Variants in ESM1 observed in about 807,000 individuals in gnomAD.
ESM1 encodes endothelial cell-specific molecule 1.
Under a neutral mutation model 14.9 loss-of-function variants are expected in ESM1, and 7 were observed. The observed-to-expected ratio is 0.47, with a 90% CI of 0.27 to 0.88. The LOEUF (loss-of-function observed/expected upper bound fraction) is 0.88, where lower values mean the gene tolerates loss of function less well. ESM1 is among the 40% of genes least tolerant of loss of function. ESM1 has a pLI of 0.14. For synonymous variants in ESM1, 89 were observed against 89.4 expected, an observed-to-expected ratio of 1.00 and a Z score of 0.02; for missense variants, 192 against 237.9, an observed-to-expected ratio of 0.81 and a Z score of 1.27.
rs556718294 is a variant in ESM1, at chr5:54,984,667, C to G, written c.301+550G>C. Among the ~76,000 whole-genome samples the G allele has an allele frequency of 8.5e-5, 13 of 152,196 alleles. 1 individual carries two copies. The South Asian group carries it at 2.5e-3, about 29-fold the overall frequency. ...AGGTTTGTTTTATGCTTCAGGGGAC[C>G]CTCTTTGAAGAGTGAGTTATTTTGT... On this transcript the variant is annotated intron_variant, in intron 1 of 2. Coordinates refer to ENST00000381405, the MANE Select transcript of ESM1 (RefSeq NM_007036.5).
chr5:54,979,816 T>C (rs572240917), intron 2 of ESM1, among the ~76,000 whole-genome samples: 18 of 152,244 alleles, frequency 1.2e-4, no homozygotes, highest in African/African-American at 4.1e-4. Context: ...ACTTATGGAA[T>C]AGGCAAATGT....
chr5:54,982,670 T>C (rs901371879), intron 1 of ESM1, among the ~76,000 whole-genome samples: 10 of 152,194 alleles, frequency 6.6e-5, no homozygotes, highest in African/African-American at 2.4e-4. Context: ...GCAATCAATC[T>C]TCCATCTGCT....
rs368022597 is a variant in ESM1 at position 54,979,295 on chromosome 5, C to A, written c.*37G>T. On this transcript the variant is annotated 3_prime_UTR_variant, in exon 3 of 3. Transcript: ENST00000381405. Reference sequence around the variant, plus strand: ...ATGTTGGCTGTGTGTTGAACAATCACGAAAATAGAGCCTTCTCTCAGAAAT... The same window carrying A: ...ATGTTGGCTGTGTGTTGAACAATCAAGAAAATAGAGCCTTCTCTCAGAAAT... 18 of 1,478,256 alleles carry A rather than the reference C, an allele frequency of 1.2e-5. No homozygotes were observed. In the African/African-American group the frequency reaches 2.2e-4, roughly 18 times the overall value. The allele number at this position is 1,478,256 out of a possible 1,614,324, so 91.6% of individuals were successfully genotyped here.
At chr5:54,979,623 T>C (rs1057281688) in intron 2 of ESM1, among the ~76,000 whole-genome samples, 188 bp from the exon 3 acceptor site, 29 of 152,250 alleles carry the variant, frequency 1.9e-4, no homozygotes, top group Admixed American at 3.3e-4. Context: ...CTTGAATTAC[T>C]TATCTTTGTA....
At chr5:54,983,508 A>G (rs1740438241) in intron 1 of ESM1, among the ~76,000 whole-genome samples, 1 of 152,226 alleles carries the variant, frequency 6.6e-6, no homozygotes, top group African/African-American at 2.4e-5. Flanking sequence ...TTGGATACGC[A>G]GCTGAAGTTT....
chr5:54,985,247 G>A lies in ESM1; in HGVS notation c.271C>T (p.Pro91Ser), dbSNP rs757689709. The change falls in exon 1 of 3, where the codon CCT (proline) becomes TCT (serine). Residue 91 changes from proline to serine, a missense_variant. Coordinates refer to ENST00000381405, the MANE Select transcript of ESM1 (RefSeq NM_007036.5). The stretch of plus-strand genomic sequence containing the variant: ...CAGATACCAAACTCTTCACCAAAAG[G>A]ATCCTCCCCATTAGAAGGCTGACAC... ...LRCQPSNGED[P>S]FGEEFGICKD... 3.0e-5 allele frequency: 49 copies of A among 1,612,994 alleles called. No individual in the cohort carries two copies. Among genetic ancestry groups the A allele is most frequent in the Admixed American group, 8.3e-5 (5 of 59,980 alleles).
chr5:54,985,114 C>CTT, intron 1 of ESM1, 103 bp downstream of exon 1: 1 of 1,056,288 alleles, frequency 9.5e-7, no homozygotes, highest in East Asian at 2.4e-5. Context: ...ATCCACCTGC[C>CTT]TTTTCCCTCT....
chr5:54,982,298 G>T, intron 1 of ESM1, 152 bp from the exon 2 acceptor site: 1 of 711,922 alleles, frequency 1.4e-6, no homozygotes, highest in Non-Finnish European at 2.3e-6. Flanking sequence ...GGATTTGAAA[G>T]TTGAAACTTT....
chr5:54,982,009 C>G lies in ESM1; in HGVS notation c.439G>C (p.Val147Leu), dbSNP rs752986133. 5.6e-6 allele frequency: 9 copies of G among 1,614,098 alleles called. No homozygotes were observed. Among genetic ancestry groups the G allele is most frequent in the Non-Finnish European group, 7.6e-6 (9 of 1,179,982 alleles). Reference protein sequence around the residue: ...YSVTKSSNRFVSLTEHDMASG... With the variant: ...YSVTKSSNRFLSLTEHDMASG... Reference sequence around the variant, plus strand: ...AATCAGTGCTTACCCGTGAGAGAAACAAATCTGTTGGAAGACTTGGTTACT... The same window carrying G: ...AATCAGTGCTTACCCGTGAGAGAAAGAAATCTGTTGGAAGACTTGGTTACT... Residue 147 changes from valine to leucine, a missense_variant, in exon 2 of 3, where the codon GTT becomes CTT. Val to Leu is a conservative substitution (Grantham distance 32). Coordinates refer to ENST00000381405, the MANE Select transcript of ESM1 (RefSeq NM_007036.5).
intron 1 of ESM1, among the ~76,000 whole-genome samples, 179 bp from the exon 2 acceptor site, chr5:54,982,325 A>G (rs1744068722): frequency 6.6e-6 from 1 of 152,228 alleles, no homozygotes; most frequent in African/African-American, 2.4e-5. Context: ...TAAATATGAA[A>G]TCACACATTA....
intron 2 of ESM1, among the ~76,000 whole-genome samples, chr5:54,980,567 A>G (rs899069425): frequency 1.3e-5 from 2 of 152,186 alleles, no homozygotes; most frequent in African/African-American, 4.8e-5. Flanking sequence ...ACTAAAAATC[A>G]TCTTTTGCTG....
chr5:54,978,324 A>T lies in ESM1; in HGVS notation c.*1008T>A, dbSNP rs554326252. On this transcript the variant is annotated 3_prime_UTR_variant, in exon 3 of 3. Coordinates refer to ENST00000381405, the MANE Select transcript of ESM1 (RefSeq NM_007036.5). The stretch of plus-strand genomic sequence containing the variant: ...GACCCTCTGTTGCTCATTTTTTGAC[A>T]TTTTTGAAATCCAGAGTGACTCTGT... 1 of 152,062 alleles carries T rather than the reference A, an allele frequency of 6.6e-6. No individual in the cohort carries two copies. Among genetic ancestry groups the T allele is most frequent in the East Asian group, 1.9e-4 (1 of 5,198 alleles). The allele number at this position is 152,062 out of a possible 1,614,324, so 9.4% of individuals were successfully genotyped here.
rs994912813 is a variant in ESM1, at chr5:54,979,422, T to C, written c.465A>G (p.Ala155=). Reference sequence around the variant, plus strand: ...CTCTCACAATATTGCCATCTCCAGATGCCATGTCATGCTCTGAAAGTAGAC... The same window carrying C: ...CTCTCACAATATTGCCATCTCCAGACGCCATGTCATGCTCTGAAAGTAGAC... ...RFVSLTEHDM[A]SGDGNIVREE... The change falls in exon 3 of 3, where the codon GCA becomes GCG. Residue 155 remains alanine, a synonymous_variant. Transcript: ENST00000381405. The C allele has an allele frequency of 1.9e-6, 3 of 1,609,396 alleles. No individual in the cohort carries two copies. Among genetic ancestry groups the C allele is most frequent in the Admixed American group, 1.7e-5 (1 of 60,000 alleles).
intron 1 of ESM1, among the ~76,000 whole-genome samples, chr5:54,983,143 T>C (rs540693231): frequency 6.6e-6 from 1 of 152,326 alleles, no homozygotes; most frequent in East Asian, 1.9e-4. Context: ...ACTGACCAAG[T>C]AGATCATCAA....
chr5:54,985,265 G>A lies in ESM1; in HGVS notation c.253C>T (p.Pro85Ser). Residue 85 changes from proline to serine, a missense_variant, in exon 1 of 3, where the codon CCT becomes TCT. Pro to Ser is a moderately conservative substitution (Grantham distance 74, BLOSUM62 -1). Coordinates refer to ENST00000381405, the MANE Select transcript of ESM1 (RefSeq NM_007036.5). ...MKCGPGLRCQ[P>S]SNGEDPFGEE... The stretch of plus-strand genomic sequence containing the variant: ...CCAAAAGGATCCTCCCCATTAGAAG[G>A]CTGACACCTCAGCCCCGGGCCACAC... The A allele has an allele frequency of 6.2e-7, 1 of 1,613,946 alleles. No homozygotes were observed. Among genetic ancestry groups the A allele is most frequent in the Non-Finnish European group, 8.5e-7 (1 of 1,179,924 alleles).
In ESM1 at chr5:54,979,224, T is replaced by C. The variant is rs1744002114; in HGVS notation, c.*108A>G. On this transcript the variant is annotated 3_prime_UTR_variant, in exon 3 of 3. Transcript: ENST00000381405. ...GATCCACCATGCATCACATTTGGTC[T>C]TCAAAAATTACATGTCCTTATGCTA... 1.2e-6 allele frequency: 1 copy of C among 814,404 alleles called. No individual in the cohort carries two copies. The highest frequency in any genetic ancestry group is 2.5e-5 in the East Asian group (1 of 40,784). The allele number at this position is 814,404 out of a possible 1,614,324, so 50.4% of individuals were successfully genotyped here. A position where few individuals can be genotyped will look rare whatever the true frequency, so the allele number is the denominator to read the frequency against.
At chr5:54,983,336 T>G (rs756242) in intron 1 of ESM1, among the ~76,000 whole-genome samples, 30,973 of 152,156 alleles carry the variant, frequency 0.2, 3,679 homozygotes, top group South Asian at 0.35. Flanking sequence ...GCAGCGATAT[T>G]GAAAACTAAA....
Position 54,983,669 on chromosome 5 carries a change from A to G in ESM1, c.302-1523T>C, listed in dbSNP as rs1740443369. On this transcript the variant is annotated intron_variant, in intron 1 of 2. Transcript: ENST00000381405. Reference sequence around the variant, plus strand: ...AAAACTAGATTCATCAGCAACCTGAAGAAAGCCAAAAGAAGCAATCTTAAA... The same window carrying G: ...AAAACTAGATTCATCAGCAACCTGAGGAAAGCCAAAAGAAGCAATCTTAAA... Among the ~76,000 whole-genome samples the G allele has an allele frequency of 3.3e-5, 5 of 152,258 alleles. No individual in the cohort carries two copies. In the South Asian group the frequency reaches 1.0e-3, roughly 31 times the overall value.
intron 1 of ESM1, among the ~76,000 whole-genome samples, chr5:54,982,695 G>C (rs1740412061): frequency 6.6e-6 from 1 of 152,132 alleles, no homozygotes; most frequent in African/African-American, 2.4e-5. Context: ...CCCTTATCAA[G>C]TTCCTTATTT....
Sources: gnomAD v4.1 joint callset for allele counts (sites outside exome capture counted in the v4.1 genomes callset) on GRCh38, gnomAD v4.1.1 for gene constraint, MANE v1.5 for transcripts, NCBI Gene and HGNC (gene_info 2026-07-23, HGNC 2026-07-21) for gene names.